PRKAR1B: variants seen among roughly 807,000 people sequenced by gnomAD.
PRKAR1B encodes protein kinase cAMP-dependent type I regulatory subunit beta.
Under a neutral mutation model 46.5 loss-of-function variants are expected in PRKAR1B, and 22 were observed. The ratio of observed to expected loss-of-function variants is 0.47; its 90% CI spans 0.34 to 0.68. The LOEUF is 0.68. Ranked by LOEUF, PRKAR1B falls within the 30% of genes least tolerant of loss-of-function variation. The pLI, the probability that PRKAR1B is intolerant of heterozygous loss-of-function variation, is 0.01. For missense variants in PRKAR1B, 445 were observed against 535.6 expected (o/e 0.83, Z 1.67); for synonymous variants, 259 against 217.7 (o/e 1.19, Z -1.67).
chr7:628,032 C>T (rs967061101), intron 4 of PRKAR1B, among the ~76,000 whole-genome samples: 3 of 151,046 alleles, frequency 2.0e-5, no homozygotes, highest in Admixed American at 1.3e-4. Context: ...AGGGGGACAG[C>T]GGTGGGGGGA....
intron 4 of PRKAR1B, among the ~76,000 whole-genome samples, chr7:646,905 G>A (rs919878491): frequency 1.3e-5 from 2 of 152,192 alleles, no homozygotes; most frequent in Non-Finnish European, 2.9e-5. Flanking sequence ...GATCACAGGC[G>A]AAGGGCCCTG....
In PRKAR1B at chr7:550,095, G is replaced by A; in HGVS notation, c.*335C>T. On this transcript the variant is annotated 3_prime_UTR_variant, in exon 11 of 11. Transcript: ENST00000537384. ...AACGTCCTGGCCTGGTTCTGGGGAG[G>A]ACCGATCCTCAAGCATCTCCAGGAG... The A allele has an allele frequency of 3.0e-6, 1 of 331,658 alleles. No individual in the cohort carries two copies. The highest frequency in any genetic ancestry group is 5.7e-6 in the Non-Finnish European group (1 of 175,730). 20.5% of individuals were successfully genotyped at this position (331,658 alleles called of 1,614,324 possible).
chr7:619,570 G>A (rs1783004623), intron 4 of PRKAR1B, among the ~76,000 whole-genome samples: 1 of 152,326 alleles, frequency 6.6e-6, no homozygotes, highest in South Asian at 2.1e-4. Context: ...TGGCTCCAGA[G>A]TCCTTGTCTT....
chr7:627,673 C>A (rs2128476917), intron 4 of PRKAR1B, among the ~76,000 whole-genome samples: 1 of 152,310 alleles, frequency 6.6e-6, no homozygotes, highest in South Asian at 2.1e-4. Context: ...CACCAACACC[C>A]CCCAGGGTGG....
chr7:628,207 C>A (rs1386160553), intron 4 of PRKAR1B, among the ~76,000 whole-genome samples: 1 of 152,248 alleles, frequency 6.6e-6, no homozygotes, highest in Non-Finnish European at 1.5e-5. Flanking sequence ...CCAGACTCAG[C>A]GATGGGCTCT....
At position 588,820 on chromosome 7, in the gene PRKAR1B, T is replaced by C. The variant is rs1272140231; in HGVS notation, c.709-4252A>G. Reference sequence around the variant, plus strand: ...ATAGTGACAGTGGTGATCACGATGATGGTGGTGATGGTGGTGATGGTAATG... The same window carrying C: ...ATAGTGACAGTGGTGATCACGATGACGGTGGTGATGGTGGTGATGGTAATG... On this transcript the variant is annotated intron_variant, in intron 7 of 10. Coordinates refer to ENST00000537384, the MANE Select transcript of PRKAR1B (RefSeq NM_001164760.2). Among the ~76,000 whole-genome samples, 342 of 99,756 alleles carry C rather than the reference T, an allele frequency of 3.4e-3. 1 individual carries two copies. The highest frequency in any genetic ancestry group is 4.0e-3 in the Non-Finnish European group (199 of 49,138). The allele number at this position is 99,756 out of a possible 152,430, so 65.4% of individuals were successfully genotyped here.
intron 4 of PRKAR1B, among the ~76,000 whole-genome samples, chr7:645,321 T>A (rs1187888446): frequency 6.6e-6 from 1 of 152,018 alleles, no homozygotes; most frequent in Non-Finnish European, 1.5e-5. Context: ...GCTTCTAAGA[T>A]CTCACCTATG....
At chr7:606,744 G>A (rs940466252) in intron 5 of PRKAR1B, among the ~76,000 whole-genome samples, 12 of 150,658 alleles carry the variant, frequency 8.0e-5, no homozygotes, top group Non-Finnish European at 1.0e-4. Flanking sequence ...CACCGCGCCC[G>A]GCCTCACAAT....
At position 562,728 on chromosome 7, in the gene PRKAR1B, G is replaced by A. The variant is rs967742514; in HGVS notation, c.892-11258C>T. Among the ~76,000 whole-genome samples the A allele has an allele frequency of 4.6e-5, 7 of 152,268 alleles. No individual in the cohort carries two copies. The East Asian group carries it at 5.8e-4, about 13-fold the overall frequency. On this transcript the variant is annotated intron_variant, in intron 9 of 10. Transcript: ENST00000537384. ...ACCAATCTGCCCATCATAGCTTTGCGGCCAGCAGCATTTCATCTTCCCTCC... is the reference window on the plus strand; with the variant it reads ...ACCAATCTGCCCATCATAGCTTTGCAGCCAGCAGCATTTCATCTTCCCTCC...
chr7:609,398 C>G (rs1290889362), intron 4 of PRKAR1B, among the ~76,000 whole-genome samples: 1 of 152,150 alleles, frequency 6.6e-6, no homozygotes, highest in Non-Finnish European at 1.5e-5. Context: ...GTGTACCCCC[C>G]ACCACCCAGC....
Position 588,757 on chromosome 7 carries a change from T to C in PRKAR1B, c.709-4189A>G, listed in dbSNP as rs1427453888. On this transcript the variant is annotated intron_variant, in intron 7 of 10. Coordinates refer to ENST00000537384, the MANE Select transcript of PRKAR1B (RefSeq NM_001164760.2). Reference sequence around the variant, plus strand: ...ATAGTGACAGTGGTGATGGTGATGGTGATGGTGGTGATGGTGATGGTGGTG... The same window carrying C: ...ATAGTGACAGTGGTGATGGTGATGGCGATGGTGGTGATGGTGATGGTGGTG... Among the ~76,000 whole-genome samples the C allele has an allele frequency of 2.1e-4, 20 of 95,108 alleles. 1 individual carries two copies. The highest frequency in any genetic ancestry group is 7.4e-4 in the African/African-American group (18 of 24,370). 62.4% of individuals were successfully genotyped at this position (95,108 alleles called of 152,430 possible).
intron 1 of PRKAR1B, among the ~76,000 whole-genome samples, chr7:717,577 G>T (rs1780925463): frequency 6.6e-6 from 1 of 151,962 alleles, no homozygotes; most frequent in Admixed American, 6.6e-5. Flanking sequence ...AGGATCACCT[G>T]AACACAAGAG....
chr7:719,603 T>C (rs1781003942), intron 1 of PRKAR1B, among the ~76,000 whole-genome samples: 1 of 152,210 alleles, frequency 6.6e-6, no homozygotes, highest in African/African-American at 2.4e-5. Context: ...TGTAACGTGT[T>C]GGCCCTCCTG....
intron 2 of PRKAR1B, among the ~76,000 whole-genome samples, chr7:704,725 C>T (rs1442797477): frequency 2.0e-5 from 3 of 152,028 alleles, no homozygotes; most frequent in Non-Finnish European, 2.9e-5. Flanking sequence ...GCTAAGATCG[C>T]ACCACTGCAC....
chr7:555,231 A>G (rs1321085214), intron 9 of PRKAR1B, among the ~76,000 whole-genome samples: 1 of 152,102 alleles, frequency 6.6e-6, no homozygotes, highest in Non-Finnish European at 1.5e-5. Flanking sequence ...GGGGCTGAGG[A>G]TTGGGATTCT....
chr7:650,651 C>T (rs1052000306), intron 4 of PRKAR1B, among the ~76,000 whole-genome samples: 3 of 152,246 alleles, frequency 2.0e-5, no homozygotes, highest in East Asian at 3.9e-4. Flanking sequence ...GGTGGGGGCT[C>T]TGCCTGGGGA....
chr7:669,234 T>C (rs959444819), intron 4 of PRKAR1B, among the ~76,000 whole-genome samples: 2 of 152,194 alleles, frequency 1.3e-5, no homozygotes, highest in African/African-American at 4.8e-5. Flanking sequence ...CGAAAGGTCA[T>C]ATATCATGGT....
intron 7 of PRKAR1B, among the ~76,000 whole-genome samples, chr7:590,021 A>T (rs142333525): frequency 1.8e-3 from 278 of 152,320 alleles, no homozygotes; most frequent in African/African-American, 6.2e-3. Context: ...AATCTGCTGC[A>T]GGGAGAGGGG....
rs897967352 is a variant in PRKAR1B at position 666,985 on chromosome 7, A to C, written c.440+10244T>G. On this transcript the variant is annotated intron_variant, in intron 4 of 10. Coordinates refer to ENST00000537384, the MANE Select transcript of PRKAR1B (RefSeq NM_001164760.2). This position sits in a 1 kb window ranked among gnomAD's most constrained non-coding sequence, Gnocchi z 4.9. ...GTGATGATGATGATGGTGATGATAAAGATGATGATGGCAATGGTGGTGATG... is the reference window on the plus strand; with the variant it reads ...GTGATGATGATGATGGTGATGATAACGATGATGATGGCAATGGTGGTGATG... Among the ~76,000 whole-genome samples the C allele has an allele frequency of 1.3e-5, 2 of 151,796 alleles. No homozygotes were observed.
Sources: gnomAD v4.1 joint callset for allele counts (sites outside exome capture counted in the v4.1 genomes callset) on GRCh38, gnomAD v4.1.1 for gene constraint, Gnocchi (gnomAD v3.1) non-coding constraint, MANE v1.5 for transcripts, NCBI Gene and HGNC (gene_info 2026-07-23, HGNC 2026-07-21) for gene names.